TBC1D30: variants seen among roughly 807,000 people sequenced by gnomAD.
TBC1D30 encodes the protein TBC1 domain family, member 30.
A neutral mutation model predicts 63.2 loss-of-function variants in TBC1D30; 31 were observed. The observed-to-expected ratio is 0.49, with a 90% CI of 0.37 to 0.66. The LOEUF (loss-of-function observed/expected upper bound fraction) is 0.66. Among genes scored for constraint, TBC1D30 ranks in the 30% least tolerant of loss-of-function variants. The pLI is 0.00. For missense variants in TBC1D30, 810 were observed against 953.6 expected (o/e 0.85, Z 1.98); for synonymous variants, 307 against 361.5 (o/e 0.85, Z 1.71).
upstream of TBC1D30, among the ~76,000 whole-genome samples, chr12:64,820,581 A>G (rs575353342): frequency 1.3e-5 from 2 of 152,334 alleles, no homozygotes; most frequent in Non-Finnish European, 2.9e-5. Flanking sequence ...GGCAGTGTAT[A>G]ATTTGCCCAA....
chr12:64,803,795 G>C (rs1298579177), intron 2 of TBC1D30, among the ~76,000 whole-genome samples: 2 of 152,178 alleles, frequency 1.3e-5, no homozygotes, highest in Middle Eastern at 3.2e-3. Flanking sequence ...GTTTGTCAAA[G>C]ATCAGATGGT....
At chr12:64,845,587 G>A (rs1323372612) in intron 8 of TBC1D30, among the ~76,000 whole-genome samples, 3 of 152,118 alleles carry the variant, frequency 2.0e-5, no homozygotes, top group African/African-American at 4.8e-5. Context: ...TTAGCCAGGC[G>A]TGGTGGCGGG....
intron 8 of TBC1D30, among the ~76,000 whole-genome samples, chr12:64,847,167 T>C (rs907049032): frequency 3.3e-5 from 5 of 150,002 alleles, no homozygotes; most frequent in African/African-American, 4.9e-5. Flanking sequence ...TTCTGATTTA[T>C]TGGTATACAG....
upstream of TBC1D30, among the ~76,000 whole-genome samples, chr12:64,780,062 G>A (rs892865583): frequency 1.3e-5 from 2 of 152,040 alleles, no homozygotes; most frequent in Admixed American, 1.3e-4. Flanking sequence ...GTATCAGTTC[G>A]GTCATCTCAA....
At chr12:64,827,953 AT>A in intron 2 of TBC1D30, 57 bp downstream of exon 2, 1 of 1,141,128 alleles carries the variant, frequency 8.8e-7, no homozygotes, top group Non-Finnish European at 1.2e-6. Flanking sequence ...GCACATTGAG[AT>A]ATATTCTCAA....
upstream of TBC1D30, among the ~76,000 whole-genome samples, chr12:64,777,302 G>A (rs185558): frequency 2.0e-5 from 3 of 152,328 alleles, no homozygotes; most frequent in African/African-American, 7.2e-5. Context: ...CAAATAGGAA[G>A]AGAGGAAGTC....
chr12:64,864,118 T>C (rs972072555), intron 8 of TBC1D30, among the ~76,000 whole-genome samples: 2 of 152,144 alleles, frequency 1.3e-5, no homozygotes, highest in East Asian at 3.9e-4. Context: ...CTTTTTTTTT[T>C]TCCTTTAAAA....
At chr12:64,779,172 G>C (rs1871161676), upstream of TBC1D30, 1 of 152,044 alleles carries the variant, frequency 6.6e-6, no homozygotes, top group Non-Finnish European at 1.5e-5. Context: ...AGGGGGAAGA[G>C]ATAAAAAGGG....
intron 8 of TBC1D30, among the ~76,000 whole-genome samples, 192 bp downstream of exon 8, chr12:64,843,677 A>G (rs1876101076): frequency 6.6e-6 from 1 of 152,262 alleles, no homozygotes; most frequent in South Asian, 2.1e-4. Context: ...AATGATGGAT[A>G]TTTGTTGTAG....
At chr12:64,844,564 T>G (rs931001105) in intron 8 of TBC1D30, among the ~76,000 whole-genome samples, 4 of 152,202 alleles carry the variant, frequency 2.6e-5, no homozygotes, top group Non-Finnish European at 5.9e-5. Flanking sequence ...AATGTACAAT[T>G]AAATTACTAT....
chr12:64,826,081 T>G (rs1874319778), intron 1 of TBC1D30, among the ~76,000 whole-genome samples: 1 of 152,138 alleles, frequency 6.6e-6, no homozygotes, highest in Admixed American at 6.6e-5. Flanking sequence ...TTTTTTTTTC[T>G]TTTAAATCTC....
chr12:64,833,439 T>C lies in TBC1D30; in HGVS notation c.594+1135T>C, dbSNP rs192808130. 9.2e-5 allele frequency among the ~76,000 whole-genome samples: 14 copies of C among 152,340 alleles called. No individual in the cohort carries two copies. The East Asian group carries it at 2.5e-3, about 27-fold the overall frequency. ...GCTTAAGGCAATGTGGGATTACTAA[T>C]TCATATTTGAACCTTTAAACTGCTC... On this transcript the variant is annotated intron_variant, in intron 5 of 11. Transcript: ENST00000539867.
chr12:64,781,946 T>G (rs1410611957), intron 1 of TBC1D30, among the ~76,000 whole-genome samples: 1 of 152,068 alleles, frequency 6.6e-6, no homozygotes, highest in Non-Finnish European at 1.5e-5. Flanking sequence ...AGAATTTAAC[T>G]GCTGGTACCT....
chr12:64,831,974 T>C, intron 4 of TBC1D30, 145 bp from the exon 5 acceptor site: 1 of 617,922 alleles, frequency 1.6e-6, no homozygotes, highest in Non-Finnish European at 2.5e-6. Context: ...AAATGCATTT[T>C]GGCTCATATG....
chr12:64,782,960 T>G (rs1050096760), intron 1 of TBC1D30, among the ~76,000 whole-genome samples: 10 of 152,178 alleles, frequency 6.6e-5, no homozygotes, highest in African/African-American at 1.7e-4. Context: ...ATCATTCGCG[T>G]GCTAAGATTA....
chr12:64,819,068 A>G (rs1337102597), intron 2 of TBC1D30, among the ~76,000 whole-genome samples: 1 of 152,226 alleles, frequency 6.6e-6, no homozygotes, highest in Non-Finnish European at 1.5e-5. Context: ...TCTGTATGAC[A>G]TTCTGAGTGT....
At chr12:64,777,769 T>C (rs1871126341), upstream of TBC1D30, among the ~76,000 whole-genome samples, 2 of 152,212 alleles carry the variant, frequency 1.3e-5, no homozygotes, top group Non-Finnish European at 2.9e-5. Flanking sequence ...TTAAAATTCA[T>C]ATGGAACCAA....
chr12:64,800,669 G>A (rs1474598413), intron 2 of TBC1D30, among the ~76,000 whole-genome samples: 3 of 152,128 alleles, frequency 2.0e-5, no homozygotes, highest in African/African-American at 7.2e-5. Context: ...ACCTGTTAGA[G>A]AGGGCAGAAC....
At chr12:64,836,764 G>C in intron 6 of TBC1D30, 106 bp downstream of exon 6, 1 of 1,128,676 alleles carries the variant, frequency 8.9e-7, no homozygotes, top group Non-Finnish European at 1.2e-6. Context: ...AGCTATTTTT[G>C]TAAGAGCTTG....
Sources: gnomAD v4.1 joint callset for allele counts (sites outside exome capture counted in the v4.1 genomes callset) on GRCh38, gnomAD v4.1.1 for gene constraint, MANE v1.5 for transcripts, NCBI Gene and HGNC (gene_info 2026-07-23, HGNC 2026-07-21) for gene names.